The following PCCA variants were observed in gnomAD, a reference collection of about 807,000 sequenced individuals.
PCCA encodes propionyl-CoA carboxylase subunit alpha.
PCCA carries 74 observed loss-of-function variants against 101.3 expected under a neutral mutation model. That is an observed-to-expected ratio of 0.73 (90% confidence interval 0.61 to 0.89). The LOEUF is 0.89. Ranked by LOEUF, PCCA falls within the 40% of genes least tolerant of loss-of-function variation. PCCA has a pLI of 0.00. For missense variants in PCCA, 891 were observed against 907.0 expected (o/e 0.98, Z 0.23); for synonymous variants, 294 against 313.6 (o/e 0.94, Z 0.66).
intron 21 of PCCA, among the ~76,000 whole-genome samples, chr13:100,461,288 G>A (rs2082146351): frequency 6.6e-6 from 1 of 152,078 alleles, no homozygotes; most frequent in Non-Finnish European, 1.5e-5. Context: ...TGATATCATA[G>A]GACTCGAAAT....
At chr13:100,389,629 T>C (rs1301195431) in intron 19 of PCCA, among the ~76,000 whole-genome samples, 2 of 151,788 alleles carry the variant, frequency 1.3e-5, no homozygotes, top group Non-Finnish European at 2.9e-5. Flanking sequence ...AAATAGAAGT[T>C]AAAGAAAAGA....
chr13:100,201,909 G>T (rs1344363794), intron 6 of PCCA, among the ~76,000 whole-genome samples: 2 of 148,808 alleles, frequency 1.3e-5, no homozygotes, highest in East Asian at 4.0e-4. Context: ...GGAGTGAATG[G>T]GCCAGATTTG....
intron 6 of PCCA, among the ~76,000 whole-genome samples, chr13:100,188,526 C>T (rs1214417882): frequency 2.0e-5 from 3 of 152,180 alleles, no homozygotes; most frequent in African/African-American, 7.2e-5. Context: ...CATGCATATG[C>T]AAGTATCTTT....
chr13:100,431,623 T>C (rs952753461), intron 20 of PCCA, among the ~76,000 whole-genome samples: 3 of 152,154 alleles, frequency 2.0e-5, no homozygotes, highest in African/African-American at 4.8e-5. Context: ...TCCCAGCACT[T>C]TGAGAGGCCG....
chr13:100,260,315 A>G (rs983076381), intron 9 of PCCA, among the ~76,000 whole-genome samples: 4 of 151,714 alleles, frequency 2.6e-5, no homozygotes, highest in Admixed American at 6.6e-5. Flanking sequence ...GTTTTTTGCA[A>G]TGTTTTGAAA....
At chr13:100,272,569 A>G (rs1235049281) in intron 11 of PCCA, among the ~76,000 whole-genome samples, 1 of 152,160 alleles carries the variant, frequency 6.6e-6, no homozygotes, top group East Asian at 1.9e-4. Context: ...GAAATGACAC[A>G]CACACACACA....
intron 12 of PCCA, among the ~76,000 whole-genome samples, chr13:100,275,299 G>A (rs1044766832): frequency 4.6e-5 from 7 of 152,210 alleles, no homozygotes; most frequent in Non-Finnish European, 7.4e-5. Flanking sequence ...GGTGCAGGAG[G>A]GCTGTTTTCT....
intron 16 of PCCA, among the ~76,000 whole-genome samples, chr13:100,312,394 T>G (rs923497961): frequency 2.6e-5 from 4 of 152,212 alleles, no homozygotes; most frequent in Non-Finnish European, 4.4e-5. Context: ...TGTTCTGCTT[T>G]CAAATGATCC....
chr13:100,393,181 G>T (rs945921569), intron 19 of PCCA, among the ~76,000 whole-genome samples: 1 of 152,070 alleles, frequency 6.6e-6, no homozygotes, highest in South Asian at 2.1e-4. Context: ...AAAAAAACAC[G>T]ATTGCTCAAT....
At chr13:100,517,100 G>T (rs2086894369) in intron 22 of PCCA, among the ~76,000 whole-genome samples, 1 of 138,976 alleles carries the variant, frequency 7.2e-6, no homozygotes, top group African/African-American at 2.7e-5. Context: ...TTTCAAGTAA[G>T]TGTTTTCCTT....
chr13:100,375,836 GAC>G (rs1349437244), intron 19 of PCCA, among the ~76,000 whole-genome samples: 1 of 152,188 alleles, frequency 6.6e-6, no homozygotes, highest in Non-Finnish European at 1.5e-5. Context: ...CCAATTAAAA[GAC>G]ACAGACTGGC....
intron 19 of PCCA, among the ~76,000 whole-genome samples, chr13:100,382,198 C>T (rs1349556618): frequency 1.1e-4 from 16 of 151,974 alleles, no homozygotes; most frequent in East Asian, 1.9e-4. Flanking sequence ...ATTTTATTGC[C>T]GATGAAAGTG....
At chr13:100,526,221 G>A (rs1462970438) in intron 22 of PCCA, among the ~76,000 whole-genome samples, 1 of 152,186 alleles carries the variant, frequency 6.6e-6, no homozygotes, top group African/African-American at 2.4e-5. Flanking sequence ...CATTGTCTCT[G>A]CGCTGCCCCT....
At chr13:100,170,917 A>T (rs1323871584) in intron 6 of PCCA, among the ~76,000 whole-genome samples, 1 of 152,236 alleles carries the variant, frequency 6.6e-6, no homozygotes, top group African/African-American at 2.4e-5. Flanking sequence ...ACAATAGAGC[A>T]TTGGTTCCCA....
intron 19 of PCCA, among the ~76,000 whole-genome samples, chr13:100,404,066 C>G (rs952363528): frequency 6.6e-6 from 1 of 152,176 alleles, no homozygotes; most frequent in African/African-American, 2.4e-5. Context: ...AAAGGCCTAT[C>G]TAAGCGTTCC....
chr13:100,265,321 T>G (rs2152568226), intron 10 of PCCA, among the ~76,000 whole-genome samples: 1 of 152,300 alleles, frequency 6.6e-6, no homozygotes, highest in African/African-American at 2.4e-5. Context: ...AGGGTCAGAG[T>G]AATTTTTAAA....
At chr13:100,284,074 G>T (rs1053305832) in intron 12 of PCCA, among the ~76,000 whole-genome samples, 2 of 152,208 alleles carry the variant, frequency 1.3e-5, no homozygotes, top group Non-Finnish European at 2.9e-5. Context: ...CTTCCTCCTG[G>T]ACACTGGCAC....
At chr13:100,190,970 G>C (rs1359534649) in intron 6 of PCCA, among the ~76,000 whole-genome samples, 9 of 151,800 alleles carry the variant, frequency 5.9e-5, no homozygotes, top group Non-Finnish European at 8.8e-5. Context: ...GGTGGTGTGC[G>C]CCTGTAGTCC....
intron 21 of PCCA, among the ~76,000 whole-genome samples, chr13:100,457,881 C>T (rs557521855): frequency 8.3e-4 from 127 of 152,234 alleles, no homozygotes; most frequent in African/African-American, 2.7e-3. Context: ...TTGTGTGTGA[C>T]GCTGATGCTC....
Sources: allele counts gnomAD v4.1 joint callset (sites outside exome capture counted in the v4.1 genomes callset), GRCh38; gene constraint gnomAD v4.1.1; transcripts MANE v1.5; gene names NCBI Gene and HGNC (gene_info 2026-07-23, HGNC 2026-07-21).